Variants in EPB41 observed in about 807,000 individuals in gnomAD.
EPB41 encodes erythrocyte membrane protein band 4.1.
A neutral mutation model predicts 108.0 loss-of-function variants in EPB41; 65 were observed. That is an observed-to-expected ratio of 0.60 (90% CI 0.49 to 0.74). The LOEUF is 0.74. Ranked by LOEUF, EPB41 falls within the 30% of genes least tolerant of loss-of-function variation. The pLI is 0.00. For synonymous variants in EPB41, 336 were observed against 358.9 expected (o/e 0.94, Z 0.72); for missense variants, 875 against 1,037.0 (o/e 0.84, Z 2.15).
chr1:29,028,792 A>G (rs762701734), intron 7 of EPB41, among the ~76,000 whole-genome samples: 11 of 152,096 alleles, frequency 7.2e-5, no homozygotes, highest in Non-Finnish European at 7.3e-5. Context: ...TTGTAATCCT[A>G]CCACTTTGGA....
intron 17 of EPB41, among the ~76,000 whole-genome samples, chr1:29,099,860 A>G (rs1419588704): frequency 1.3e-5 from 2 of 152,230 alleles, no homozygotes; most frequent in African/African-American, 2.4e-5. Flanking sequence ...TAGTTAGGAG[A>G]AACAGGCAAT....
intron 14 of EPB41, among the ~76,000 whole-genome samples, 161 bp from the exon 15 acceptor site, chr1:29,060,261 C>T (rs868595840): frequency 7.9e-5 from 12 of 152,324 alleles, no homozygotes; most frequent in South Asian, 6.2e-4. Context: ...TAATCATGTT[C>T]TGTGTCCGTG....
rs1384840446 is a variant in EPB41 at position 28,984,203 on chromosome 1, GGT to G, written c.-7-3226_-7-3225del. The stretch of plus-strand genomic sequence containing the variant: ...TTTTTATAGGCACAGGATGGGGTGA[GGT>G]GGGGCCATGGGTGGTTTAGGAAAAG... On this transcript the variant is annotated intron_variant, in intron 1 of 20. Coordinates refer to ENST00000343067, the MANE Select transcript of EPB41 (RefSeq NM_001376013.1). Among the ~76,000 whole-genome samples the G allele has an allele frequency of 2.6e-5, 4 of 152,136 alleles. No homozygotes were observed. The East Asian group carries it at 7.7e-4, about 29-fold the overall frequency.
chr1:29,037,419 T>G (rs1400569716), intron 10 of EPB41, among the ~76,000 whole-genome samples: 2 of 151,968 alleles, frequency 1.3e-5, no homozygotes, highest in East Asian at 3.9e-4. Context: ...TTACCAAGCA[T>G]TTTCTATGTG....
intron 7 of EPB41, among the ~76,000 whole-genome samples, chr1:29,021,038 T>A (rs1009676990): frequency 1.3e-5 from 2 of 152,190 alleles, no homozygotes; most frequent in African/African-American, 4.8e-5. Flanking sequence ...CTTTATAGAA[T>A]TGTTACATAA....
At chr1:29,028,086 A>G (rs2096744508) in intron 7 of EPB41, among the ~76,000 whole-genome samples, 1 of 152,054 alleles carries the variant, frequency 6.6e-6, no homozygotes, top group African/African-American at 2.4e-5. Context: ...GGCCTCCCAA[A>G]GTGCTGGGAT....
intron 8 of EPB41, among the ~76,000 whole-genome samples, chr1:29,032,111 A>G (rs1207066125): frequency 2.6e-5 from 4 of 151,718 alleles, no homozygotes; most frequent in Admixed American, 2.6e-4. Flanking sequence ...AAAAAAAAAA[A>G]AAAAGAAAAA....
rs995226391 is a variant in EPB41, at chr1:29,118,262, C to T, written c.*1450C>T. The T allele has an allele frequency of 1.3e-5, 2 of 152,148 alleles. No homozygotes were observed. Among genetic ancestry groups the T allele is most frequent in the African/African-American group, 4.8e-5 (2 of 41,414 alleles). 9.4% of individuals were successfully genotyped at this position (152,148 alleles called of 1,614,324 possible). ...AGCTGGGATGACAGGCGCACACCAC[C>T]ACGCCCAGCAAATTTTTTGTATTTT... On this transcript the variant is annotated 3_prime_UTR_variant, in exon 21 of 21. Coordinates refer to ENST00000343067, the MANE Select transcript of EPB41 (RefSeq NM_001376013.1).
intron 5 of EPB41, 57 bp downstream of exon 5, chr1:29,011,964 T>A (rs2096509400): frequency 6.3e-7 from 1 of 1,582,286 alleles, no homozygotes; most frequent in Admixed American, 1.7e-5. Context: ...GTCAGAGGAT[T>A]TCCAACCATT....
At chr1:29,109,771 C>A (rs1668527272) in intron 18 of EPB41, 2 of 372,118 alleles carry the variant, frequency 5.4e-6, no homozygotes, top group Non-Finnish European at 1.0e-5. Context: ...TGGTGGCCCA[C>A]ACCTGTAATC....
rs550584735 is a variant in EPB41 at position 29,046,189 on chromosome 1, A to G, written c.1636+6763A>G. Among the ~76,000 whole-genome samples, 5 of 151,706 alleles carry G rather than the reference A, an allele frequency of 3.3e-5. No homozygotes were observed. In the East Asian group the frequency reaches 7.8e-4, roughly 24 times the overall value. On this transcript the variant is annotated intron_variant, in intron 11 of 20. Coordinates refer to ENST00000343067, the MANE Select transcript of EPB41 (RefSeq NM_001376013.1). ...ACTCAGACTGGAGTGCAGTGGCACTATCTCGGCTCACTGCAACCTCTGCCT... is the reference window on the plus strand; with the variant it reads ...ACTCAGACTGGAGTGCAGTGGCACTGTCTCGGCTCACTGCAACCTCTGCCT...
At chr1:28,948,041 A>C (rs1571191486) in intron 1 of EPB41, among the ~76,000 whole-genome samples, 1 of 151,900 alleles carries the variant, frequency 6.6e-6, no homozygotes, top group East Asian at 1.9e-4. Flanking sequence ...ACTTGTGGAC[A>C]TTGTCTACTT....
intron 1 of EPB41, among the ~76,000 whole-genome samples, chr1:28,929,718 A>G (rs987029211): frequency 6.2e-5 from 9 of 144,836 alleles, no homozygotes; most frequent in Non-Finnish European, 1.0e-4. Context: ...TTTAGTAGAG[A>G]CGGGGTTTAT....
Position 29,015,678 on chromosome 1 carries a change from G to A in EPB41, c.830-14G>A. ...AGGTATAAACGTAAAATTCTTTTGT[G>A]TTTATTTTTATAGGTGTCCCTTGGA... On this transcript the variant is annotated splice_polypyrimidine_tract_variant and intron_variant, in intron 5 of 20. Transcript: ENST00000343067. 1.3e-6 allele frequency: 2 copies of A among 1,564,336 alleles called. No homozygotes were observed. The highest frequency in any genetic ancestry group is 1.8e-6 in the Non-Finnish European group (2 of 1,135,952).
chr1:29,005,160 G>C (rs1423752502), intron 4 of EPB41, among the ~76,000 whole-genome samples: 6 of 152,116 alleles, frequency 3.9e-5, no homozygotes, highest in Admixed American at 3.3e-4. Flanking sequence ...TCAGCTTCTG[G>C]GGAGGCCTCA....
chr1:28,940,090 T>G (rs1475754979), intron 1 of EPB41, among the ~76,000 whole-genome samples: 1 of 152,186 alleles, frequency 6.6e-6, no homozygotes, highest in East Asian at 1.9e-4. Context: ...CTGGTCCTCA[T>G]TCATGACTGT....
intron 16 of EPB41, among the ~76,000 whole-genome samples, chr1:29,082,022 A>T (rs940355054): frequency 6.6e-6 from 1 of 152,250 alleles, no homozygotes; most frequent in African/African-American, 2.4e-5. Context: ...TCTCAAGAAG[A>T]TAAAACATAG....
At position 29,047,253 on chromosome 1, in the gene EPB41, C is replaced by CTTTTTTTTTTTTTTTTTTTT. The variant is rs755248112; in HGVS notation, c.1637-5835_1637-5834insTTTTTTTTTTTTTTTTTTTT. Reference sequence around the variant, plus strand: ...TGTTTCTTTTTTCTTTCTTTCTTTCCTTTTTTTTTTTTTTTTGGAGAGAGA... The same window carrying CTTTTTTTTTTTTTTTTTTTT: ...TGTTTCTTTTTTCTTTCTTTCTTTCCTTTTTTTTTTTTTTTTTTTTTTTTTTTTTTTTTTTTGGAGAGAGA... On this transcript the variant is annotated intron_variant, in intron 11 of 20. Transcript: ENST00000343067. Among the ~76,000 whole-genome samples, 31 of 100,522 alleles carry CTTTTTTTTTTTTTTTTTTTT rather than the reference C, an allele frequency of 3.1e-4. 3 individuals carry two copies. The highest frequency in any genetic ancestry group is 6.6e-4 in the African/African-American group (13 of 19,752). The allele number at this position is 100,522 out of a possible 152,430, so 65.9% of individuals were successfully genotyped here.
intron 1 of EPB41, among the ~76,000 whole-genome samples, chr1:28,920,390 A>C (rs996986629): frequency 3.9e-5 from 6 of 152,170 alleles, no homozygotes; most frequent in Non-Finnish European, 5.9e-5. Flanking sequence ...TCCATCCTCC[A>C]CAAAAGTCAC....
Sources: allele counts gnomAD v4.1 joint callset (sites outside exome capture counted in the v4.1 genomes callset), GRCh38; gene constraint gnomAD v4.1.1; transcripts MANE v1.5; gene names NCBI Gene and HGNC (gene_info 2026-07-23, HGNC 2026-07-21).